ACLY: variants seen among roughly 807,000 people sequenced by gnomAD.
The protein encoded by ACLY is ATP citrate lyase, also known as ATP-citrate synthase.
ACLY carries 41 observed loss-of-function variants against 133.0 expected under a neutral mutation model. The ratio of observed to expected loss-of-function variants is 0.31; its 90% CI spans 0.24 to 0.40. The LOEUF is 0.40. ACLY is among the 10% of genes least tolerant of loss of function. ACLY has a pLI of 1.00. For missense variants in ACLY, 1,046 were observed against 1,453.8 expected, an observed-to-expected ratio of 0.72 and a Z score of 4.56; for synonymous variants, 495 against 549.3, an observed-to-expected ratio of 0.90 and a Z score of 1.38.
Position 41,898,880 on chromosome 17 carries a change from A to G in ACLY, c.1184-95T>C, listed in dbSNP as rs1478983109. On this transcript the variant is annotated intron_variant, in intron 11 of 28. Coordinates refer to ENST00000352035, the MANE Select transcript of ACLY (RefSeq NM_001096.3). ...CAAAGGGCCTTTTACAGCCATGATC[A>G]GTGTTTGGCGCATTCAGTGCAAGAC... 4 of 1,282,982 alleles carry G rather than the reference A, an allele frequency of 3.1e-6. No individual in the cohort carries two copies. In the African/African-American group the frequency reaches 4.5e-5, roughly 14 times the overall value. The allele number at this position is 1,282,982 out of a possible 1,614,324, so 79.5% of individuals were successfully genotyped here.
intron 16 of ACLY, among the ~76,000 whole-genome samples, chr17:41,889,245 G>A (rs1286746066): frequency 1.3e-5 from 2 of 152,072 alleles, no homozygotes; most frequent in African/African-American, 4.8e-5. Context: ...GCAGCCGGAC[G>A]TGGTGGCTCA....
At chr17:41,918,073 G>A (rs2050100731) in intron 1 of ACLY, among the ~76,000 whole-genome samples, 1 of 152,264 alleles carries the variant, frequency 6.6e-6, no homozygotes. Flanking sequence ...ATCTGCCAAG[G>A]TTGGAGACCG....
chr17:41,875,970 C>T (rs1277973990), intron 22 of ACLY, among the ~76,000 whole-genome samples: 1 of 150,976 alleles, frequency 6.6e-6, no homozygotes, highest in Non-Finnish European at 1.5e-5. Context: ...CGTCTCTGCC[C>T]GGCCGCTATC....
chr17:41,911,843 A>C (rs1555633694), intron 3 of ACLY, among the ~76,000 whole-genome samples: 1 of 151,868 alleles, frequency 6.6e-6, no homozygotes, highest in Non-Finnish European at 1.5e-5. Flanking sequence ...GGCCGGGCGC[A>C]GTGGCTCATG....
intron 13 of ACLY, among the ~76,000 whole-genome samples, chr17:41,897,201 G>A (rs949030390): frequency 6.6e-6 from 1 of 151,760 alleles, no homozygotes; most frequent in Non-Finnish European, 1.5e-5. Flanking sequence ...AGAGCTGGCT[G>A]CAAGGGCTGG....
intron 16 of ACLY, among the ~76,000 whole-genome samples, chr17:41,891,377 G>A (rs1004883952): frequency 1.2e-4 from 18 of 151,928 alleles, no homozygotes; most frequent in African/African-American, 4.1e-4. Context: ...GTGGGGTGGA[G>A]CCTGAGCCAC....
chr17:41,878,052 G>T, intron 22 of ACLY, 51 bp downstream of exon 22: 1 of 1,329,032 alleles, frequency 7.5e-7, no homozygotes, highest in Non-Finnish European at 1.0e-6. Context: ...CACCACCATA[G>T]ACCCACAGAT....
At chr17:41,915,081 C>T (rs1404349501) in intron 1 of ACLY, among the ~76,000 whole-genome samples, 1 of 152,116 alleles carries the variant, frequency 6.6e-6, no homozygotes, top group Admixed American at 6.6e-5. Flanking sequence ...AAATCCACAC[C>T]AGCCCAAGAA....
chr17:41,869,241 A>G, intron 26 of ACLY, 116 bp from the exon 27 acceptor site: 1 of 1,012,810 alleles, frequency 9.9e-7, no homozygotes, highest in Non-Finnish European at 1.5e-6. Flanking sequence ...ACCTTCTACC[A>G]GCCCCACTGG....
At chr17:41,888,038 G>A (rs2049101558) in intron 16 of ACLY, among the ~76,000 whole-genome samples, 1 of 152,130 alleles carries the variant, frequency 6.6e-6, no homozygotes, top group Non-Finnish European at 1.5e-5. Flanking sequence ...TGAGGCAGGA[G>A]AACTGCTTGA....
At chr17:41,873,677 G>A (rs144721638) in intron 23 of ACLY, 134 bp downstream of exon 23, 26 of 1,080,600 alleles carry the variant, frequency 2.4e-5, no homozygotes, top group East Asian at 5.7e-5. Flanking sequence ...TCCTCTGGCC[G>A]CTCAATTGAC....
At chr17:41,900,094 A>AAAAAAAAAAAAAAAAAAAAAAC in intron 11 of ACLY, among the ~76,000 whole-genome samples, 1 of 143,074 alleles carries the variant, frequency 7.0e-6, no homozygotes, top group Admixed American at 6.9e-5. Flanking sequence ...AAAAAAAAAA[A>AAAAAAAAAAAAAAAAAAAAAAC]AATTGCCTAT....
intron 22 of ACLY, among the ~76,000 whole-genome samples, chr17:41,876,058 C>T (rs1238845665): frequency 2.0e-5 from 3 of 149,882 alleles, no homozygotes; most frequent in African/African-American, 7.3e-5. Flanking sequence ...CCCGGCCGCC[C>T]ATCGTCTGAG....
chr17:41,895,896 T>C (rs2049351955), intron 14 of ACLY, among the ~76,000 whole-genome samples: 1 of 152,194 alleles, frequency 6.6e-6, no homozygotes. Flanking sequence ...TCTGATGCCA[T>C]GAACCAATTA....
At chr17:41,907,680 C>A in intron 6 of ACLY, 108 bp from the exon 7 acceptor site, 2 of 1,301,902 alleles carry the variant, frequency 1.5e-6, no homozygotes, top group African/African-American at 1.5e-5. Context: ...ATTCAGGCCT[C>A]AGAACTCTCT....
rs1407106970 is a variant in ACLY at position 41,893,275 on chromosome 17, C to T, written c.1460-101G>A. ...CAGACCCCTCCACGCCCCATGTCCA[C>T]AGGGTGATGCCTCATCACAACCGTA... On this transcript the variant is annotated intron_variant, in intron 14 of 28. Transcript: ENST00000352035. The T allele has an allele frequency of 2.3e-6, 3 of 1,321,554 alleles. No individual in the cohort carries two copies. The African/African-American group carries it at 4.5e-5, about 20-fold the overall frequency. The allele number at this position is 1,321,554 out of a possible 1,614,324, so 81.9% of individuals were successfully genotyped here.
At chr17:41,922,423 C>T (rs1598056530), upstream of ACLY, among the ~76,000 whole-genome samples, 1 of 135,368 alleles carries the variant, frequency 7.4e-6, no homozygotes, top group African/African-American at 2.8e-5. Flanking sequence ...CACCACTGAA[C>T]ATCAGCCTGG....
intron 12 of ACLY, among the ~76,000 whole-genome samples, chr17:41,898,062 A>G (rs1282575932): frequency 6.6e-6 from 1 of 152,206 alleles, no homozygotes; most frequent in Non-Finnish European, 1.5e-5. Flanking sequence ...GGTACTGGCT[A>G]AGGTTGCTCT....
chr17:41,870,922 G>A (rs1224851598), intron 25 of ACLY, among the ~76,000 whole-genome samples: 3 of 152,136 alleles, frequency 2.0e-5, no homozygotes, highest in South Asian at 2.1e-4. Context: ...CTGTTCTTTC[G>A]GCACAGATGG....
Sources: gnomAD v4.1 joint callset for allele counts (sites outside exome capture counted in the v4.1 genomes callset) on GRCh38, gnomAD v4.1.1 for gene constraint, MANE v1.5 for transcripts, NCBI Gene and HGNC (gene_info 2026-07-23, HGNC 2026-07-21) for gene names.